The following PPP2R2B variants were observed in gnomAD, a reference collection of about 807,000 sequenced individuals.
PPP2R2B encodes the protein protein phosphatase 2 regulatory subunit Bbeta.
A neutral mutation model predicts 46.0 loss-of-function variants in PPP2R2B; 5 were observed. The observed-to-expected ratio is 0.11, with a 90% CI of 0.06 to 0.23. PPP2R2B has a LOEUF of 0.23. PPP2R2B is among the 10% of genes least tolerant of loss of function. PPP2R2B has a pLI of 1.00. For synonymous variants in PPP2R2B, 215 were observed against 206.7 expected (o/e 1.04, Z -0.34); for missense variants, 367 against 575.0 (o/e 0.64, Z 3.70).
intron 7 of PPP2R2B, among the ~76,000 whole-genome samples, chr5:146,624,096 C>T (rs1461839354): frequency 1.3e-5 from 2 of 152,252 alleles, no homozygotes; most frequent in South Asian, 2.1e-4. Flanking sequence ...GTGTTTCAGA[C>T]TTAATGTTTT....
chr5:146,713,362 ACT>A (rs1236801714), intron 2 of PPP2R2B, among the ~76,000 whole-genome samples: 1 of 152,118 alleles, frequency 6.6e-6, no homozygotes. Context: ...CACAGCAAGG[ACT>A]CTCTTACTAA....
chr5:146,917,117 G>T (rs943495189), intron 1 of PPP2R2B, among the ~76,000 whole-genome samples: 1 of 152,196 alleles, frequency 6.6e-6, no homozygotes, highest in Non-Finnish European at 1.5e-5. Context: ...TGGCTGGGCA[G>T]AAAAGATGAA....
intron 2 of PPP2R2B, among the ~76,000 whole-genome samples, chr5:146,779,373 C>A (rs1474428621): frequency 1.3e-5 from 2 of 152,142 alleles, no homozygotes; most frequent in Admixed American, 6.5e-5. Flanking sequence ...ATCATAAGAT[C>A]TGAACCCTGG....
intron 7 of PPP2R2B, among the ~76,000 whole-genome samples, chr5:146,631,272 G>T (rs533294596): frequency 6.6e-6 from 1 of 152,288 alleles, no homozygotes; most frequent in South Asian, 2.1e-4. Flanking sequence ...AGTTATAGAA[G>T]TAAAACAACA....
chr5:146,669,243 A>G (rs954821505), intron 5 of PPP2R2B, among the ~76,000 whole-genome samples: 1 of 152,166 alleles, frequency 6.6e-6, no homozygotes, highest in African/African-American at 2.4e-5. Flanking sequence ...ATTCAACTAT[A>G]TATGCTTAGA....
At chr5:147,036,154 T>C (rs1206320639) in intron 1 of PPP2R2B, among the ~76,000 whole-genome samples, 1 of 152,134 alleles carries the variant, frequency 6.6e-6, no homozygotes, top group Non-Finnish European at 1.5e-5. Flanking sequence ...TTCCTGATGC[T>C]CTCCATCCTC....
intron 1 of PPP2R2B, among the ~76,000 whole-genome samples, chr5:146,891,629 G>T (rs1343168639): frequency 6.6e-6 from 1 of 152,086 alleles, no homozygotes; most frequent in Non-Finnish European, 1.5e-5. Flanking sequence ...TTAGCACTAG[G>T]CTTTCTAGTT....
intron 2 of PPP2R2B, among the ~76,000 whole-genome samples, chr5:146,776,932 A>T (rs530855623): frequency 3.9e-5 from 6 of 152,224 alleles, no homozygotes; most frequent in African/African-American, 1.2e-4. Flanking sequence ...AAATGCAAAA[A>T]ATACCACACT....
At chr5:146,952,498 G>A (rs1387291603) in intron 1 of PPP2R2B, among the ~76,000 whole-genome samples, 2 of 152,060 alleles carry the variant, frequency 1.3e-5, no homozygotes, top group African/African-American at 2.4e-5. Flanking sequence ...AAAAGTTGGG[G>A]TCGATTAATT....
At chr5:146,717,512 G>A (rs931830756) in intron 2 of PPP2R2B, among the ~76,000 whole-genome samples, 1 of 152,202 alleles carries the variant, frequency 6.6e-6, no homozygotes, top group African/African-American at 2.4e-5. Flanking sequence ...TGATATGTCA[G>A]TATTTTATCA....
chr5:146,934,798 C>T (rs1764088701), intron 1 of PPP2R2B, among the ~76,000 whole-genome samples: 1 of 150,786 alleles, frequency 6.6e-6, no homozygotes, highest in African/African-American at 2.4e-5. Flanking sequence ...CTGAGGTGAA[C>T]AAGGACTATT....
chr5:146,589,780 C>T lies in PPP2R2B; in HGVS notation c.*167G>A. On this transcript the variant is annotated 3_prime_UTR_variant, in exon 10 of 10. Transcript: ENST00000394411. ...AACCTATTGGGTTTGACAAAAGTTT[C>T]TTAGAACTGGGGAGCTGGGAATGTT... 2 of 737,186 alleles carry T rather than the reference C, an allele frequency of 2.7e-6. No individual in the cohort carries two copies. Among genetic ancestry groups the T allele is most frequent in the Non-Finnish European group, 4.3e-6 (2 of 460,424 alleles). The allele number at this position is 737,186 out of a possible 1,614,324, so 45.7% of individuals were successfully genotyped here. A position where few individuals can be genotyped will look rare whatever the true frequency, so the allele number is the denominator to read the frequency against.
At chr5:147,065,637 G>T (rs1259801361) in intron 2 of PPP2R2B, among the ~76,000 whole-genome samples, 5 of 152,038 alleles carry the variant, frequency 3.3e-5, no homozygotes, top group Admixed American at 3.3e-4. Context: ...GTGGCAATGG[G>T]GTTGGAGCGA....
chr5:146,742,162 A>C (rs575479228), intron 2 of PPP2R2B, among the ~76,000 whole-genome samples: 43 of 152,300 alleles, frequency 2.8e-4, no homozygotes, highest in African/African-American at 9.1e-4. Flanking sequence ...GCCGGGGGGA[A>C]CTTTGCTGTG....
intron 5 of PPP2R2B, among the ~76,000 whole-genome samples, chr5:146,660,985 T>C (rs1776632156): frequency 6.6e-6 from 1 of 152,196 alleles, no homozygotes; most frequent in Admixed American, 6.5e-5. Flanking sequence ...TATTGTTTCA[T>C]GAGAGAAAGA....
intron 2 of PPP2R2B, among the ~76,000 whole-genome samples, chr5:147,067,176 C>T (rs1412971788): frequency 6.6e-6 from 1 of 152,112 alleles, no homozygotes; most frequent in Non-Finnish European, 1.5e-5. Context: ...TTATTATTTA[C>T]TTATAAGAAC....
intron 2 of PPP2R2B, among the ~76,000 whole-genome samples, chr5:146,867,799 A>G (rs1030731453): frequency 2.0e-5 from 3 of 152,228 alleles, no homozygotes; most frequent in Non-Finnish European, 2.9e-5. Flanking sequence ...ACAAGACTAT[A>G]GGCTTATACT....
At chr5:147,079,029 T>C (rs1316717525) in intron 2 of PPP2R2B, among the ~76,000 whole-genome samples, 3 of 152,058 alleles carry the variant, frequency 2.0e-5, no homozygotes, top group African/African-American at 4.8e-5. Flanking sequence ...TTCTAATGTC[T>C]AGCACAGTGC....
intron 1 of PPP2R2B, among the ~76,000 whole-genome samples, chr5:147,019,443 A>T (rs1457869636): frequency 6.6e-6 from 1 of 152,210 alleles, no homozygotes; most frequent in Non-Finnish European, 1.5e-5. Context: ...AGTGGAATGT[A>T]TGTATACAAT....
Sources: gnomAD v4.1 joint callset for allele counts (sites outside exome capture counted in the v4.1 genomes callset) on GRCh38, gnomAD v4.1.1 for gene constraint, MANE v1.5 for transcripts, NCBI Gene and HGNC (gene_info 2026-07-23, HGNC 2026-07-21) for gene names.